The following DHX57 variants were observed in gnomAD, a reference collection of about 807,000 sequenced individuals.
DHX57 encodes the protein DExH-box helicase 57.
Under a neutral mutation model 156.2 loss-of-function variants are expected in DHX57, and 105 were observed. The observed-to-expected ratio is 0.67, with a 90% CI of 0.57 to 0.79. DHX57 has a LOEUF of 0.79. DHX57 is among the 30% of genes least tolerant of loss of function. The pLI is 0.00. For missense variants in DHX57, 1,847 were observed against 1,661.9 expected, an observed-to-expected ratio of 1.11 and a Z score of -1.94; for synonymous variants, 704 against 595.6, an observed-to-expected ratio of 1.18 and a Z score of -2.65.
rs527539422 is a variant in DHX57 at position 38,854,830 on chromosome 2, G to A, written c.1905+227C>T. ...ACCTGCCTTGGCCTCTCAAAGTGCT[G>A]GGATTACAGGTGTGAGCCACCGCGC... On this transcript the variant is annotated intron_variant, in intron 8 of 23. Transcript: ENST00000457308. The A allele has an allele frequency of 4.5e-4, 173 of 386,102 alleles. 2 individuals are homozygous for A. In the Admixed American group the frequency reaches 6.5e-3, roughly 14 times the overall value. The allele number at this position is 386,102 out of a possible 1,614,324, so 23.9% of individuals were successfully genotyped here.
Position 38,802,691 on chromosome 2 carries a change from AAAACAGACC to A in DHX57, c.4017+15_4017+23del. The A allele has an allele frequency of 7.4e-6, 12 of 1,613,312 alleles. No individual in the cohort carries two copies. Among genetic ancestry groups the A allele is most frequent in the Non-Finnish European group, 9.3e-6 (11 of 1,179,890 alleles). On this transcript the variant is annotated intron_variant, in intron 23 of 23. Coordinates refer to ENST00000457308, the MANE Select transcript of DHX57 (RefSeq NM_198963.3). ...AAGCCCCTCATGGCCTGAGCCTCATAAAACAGACCAATTCTGCCTTTACCTGATGGGAAG... is the reference window on the plus strand; with the variant it reads ...AAGCCCCTCATGGCCTGAGCCTCATAAATTCTGCCTTTACCTGATGGGAAG...
At chr2:38,824,588 A>C (rs972789630) in intron 16 of DHX57, among the ~76,000 whole-genome samples, 1 of 152,186 alleles carries the variant, frequency 6.6e-6, no homozygotes, top group Non-Finnish European at 1.5e-5. Context: ...ATTTATGAAA[A>C]AGGTTTAAAC....
At chr2:38,841,604 C>G (rs2124873555) in intron 12 of DHX57, among the ~76,000 whole-genome samples, 1 of 152,284 alleles carries the variant, frequency 6.6e-6, no homozygotes. Flanking sequence ...GCCTTGTATC[C>G]TACAGAAGCA....
intron 13 of DHX57, among the ~76,000 whole-genome samples, chr2:38,835,942 T>A (rs1671632703): frequency 6.6e-6 from 1 of 152,184 alleles, no homozygotes; most frequent in African/African-American, 2.4e-5. Context: ...ATTCAAGAGC[T>A]AGCCAACACC....
intron 17 of DHX57, among the ~76,000 whole-genome samples, chr2:38,819,638 G>C (rs1212899079): frequency 1.3e-5 from 2 of 152,200 alleles, no homozygotes; most frequent in Non-Finnish European, 2.9e-5. Context: ...GCTCTGTCAA[G>C]TCTGCCTGCC....
chr2:38,813,931 A>G (rs1249473082), intron 20 of DHX57, 36 bp from the exon 21 acceptor site: 1 of 1,606,652 alleles, frequency 6.2e-7, no homozygotes, highest in Middle Eastern at 1.7e-4. Flanking sequence ...AACAAGTGAT[A>G]TGGCTATTTC....
chr2:38,815,645 C>T lies in DHX57; in HGVS notation c.3482G>A (p.Ser1161Asn). 6.2e-7 allele frequency: 1 copy of T among 1,614,144 alleles called. No individual in the cohort carries two copies. Among genetic ancestry groups the T allele is most frequent in the Non-Finnish European group, 8.5e-7 (1 of 1,180,028 alleles). The change falls in exon 20 of 24, where the codon AGC becomes AAC. Residue 1161 changes from serine to asparagine, a missense_variant. By Grantham distance (46) the Ser-to-Asn change is conservative (BLOSUM62 1). Coordinates refer to ENST00000457308, the MANE Select transcript of DHX57 (RefSeq NM_198963.3). ...CAGTTCCGTGAATTGTCGTTTGAGGCTGGCCATTTCCTGAAAGAAGTGGAA... is the reference window on the plus strand; with the variant it reads ...CAGTTCCGTGAATTGTCGTTTGAGGTTGGCCATTTCCTGAAAGAAGTGGAA... ...LSGRVLQEMA[S>N]LKRQFTELLS...
chr2:38,806,755 C>A (rs1228614490), intron 21 of DHX57, 62 bp from the exon 22 acceptor site: 3 of 1,509,438 alleles, frequency 2.0e-6, no homozygotes, highest in Non-Finnish European at 2.7e-6. Flanking sequence ...GAAAGTATCT[C>A]TTGGCACAAA....
At chr2:38,857,518 T>A (rs183705868) in intron 6 of DHX57, among the ~76,000 whole-genome samples, 7 of 152,356 alleles carry the variant, frequency 4.6e-5, no homozygotes, top group Admixed American at 6.5e-5. Context: ...TCATCTTACC[T>A]ACAGTGCAAT....
intron 10 of DHX57, among the ~76,000 whole-genome samples, chr2:38,847,720 G>A (rs1479264109): frequency 6.6e-6 from 1 of 152,176 alleles, no homozygotes; most frequent in East Asian, 1.9e-4. Context: ...CAACTTTGAT[G>A]TTAAACACAA....
chr2:38,835,401 T>C lies in DHX57; in HGVS notation c.2542+2430A>G, dbSNP rs373834239. On this transcript the variant is annotated intron_variant, in intron 13 of 23. Coordinates refer to ENST00000457308, the MANE Select transcript of DHX57 (RefSeq NM_198963.3). ...ACACCAGCTGCCAGTGTTCTGGTTG[T>C]ACAAGAAAGGCTGGCCAATGGGAAC... Among the ~76,000 whole-genome samples, 11 of 152,294 alleles carry C rather than the reference T, an allele frequency of 7.2e-5. No homozygotes were observed. The East Asian group carries it at 7.7e-4, about 11-fold the overall frequency.
At chr2:38,819,024 C>T (rs762359137) in intron 18 of DHX57, 25 bp downstream of exon 18, 1 of 1,614,138 alleles carries the variant, frequency 6.2e-7, no homozygotes, top group Non-Finnish European at 8.5e-7. Flanking sequence ...GGTAATAAAA[C>T]TAAGCTATTA....
chr2:38,837,613 A>AAAAAAAAAAAAAAAAAAAG (rs1447576252), intron 13 of DHX57, among the ~76,000 whole-genome samples: 3 of 149,082 alleles, frequency 2.0e-5, no homozygotes, highest in Non-Finnish European at 4.5e-5. Context: ...CCCCGTCTCA[A>AAAAAAAAAAAAAAAAAAAG]AAAAAAAAAA....
intron 9 of DHX57, chr2:38,853,098 C>G (rs1424660735): frequency 7.6e-6 from 1 of 132,120 alleles, no homozygotes; most frequent in Non-Finnish European, 1.6e-5. Context: ...CTTTCTTGAC[C>G]AGGGTGGAGT....
intron 21 of DHX57, chr2:38,811,341 T>G (rs567088940): frequency 1.9e-6 from 1 of 525,422 alleles, no homozygotes; most frequent in African/African-American, 1.9e-5. Flanking sequence ...GACACATACT[T>G]TGCCCCCTCC....
In DHX57 at chr2:38,862,054, T is replaced by A. The variant is rs186475618; in HGVS notation, c.572+91A>T. The A allele has an allele frequency of 0.013, 17,718 of 1,412,342 alleles. 147 individuals carry two copies. The highest frequency in any genetic ancestry group is 0.018 in the South Asian group (1,168 of 66,254). 87.5% of individuals were successfully genotyped at this position (1,412,342 alleles called of 1,614,324 possible). On this transcript the variant is annotated intron_variant, in intron 4 of 23. Coordinates refer to ENST00000457308, the MANE Select transcript of DHX57 (RefSeq NM_198963.3). ...TCAGGCATTGCTGGAACCCACATAA[T>A]AGGAAAGTACACAAAGAGGGGTAGT...
intron 9 of DHX57, chr2:38,853,822 TTC>T: frequency 3.0e-6 from 1 of 334,110 alleles, no homozygotes; most frequent in Non-Finnish European, 5.6e-6. Context: ...GAAGTATACC[TTC>T]TAACCTAACA....
At chr2:38,812,260 A>T (rs1018417941) in intron 21 of DHX57, among the ~76,000 whole-genome samples, 30 of 100,944 alleles carry the variant, frequency 3.0e-4, no homozygotes, top group African/African-American at 7.8e-4. Context: ...TACAAAGCAC[A>T]AACAATTTTT....
chr2:38,810,692 G>A, intron 21 of DHX57: 1 of 713,462 alleles, frequency 1.4e-6, no homozygotes, highest in Non-Finnish European at 2.6e-6. Context: ...TCACACTGAG[G>A]GTTGTGCCAG....
Sources: allele counts gnomAD v4.1 joint callset (sites outside exome capture counted in the v4.1 genomes callset), GRCh38; gene constraint gnomAD v4.1.1; transcripts MANE v1.5; gene names NCBI Gene and HGNC (gene_info 2026-07-23, HGNC 2026-07-21).